Variants in GLOD4 observed in about 807,000 individuals in gnomAD.
GLOD4 encodes the protein glyoxalase domain-containing protein 4.
Under a neutral mutation model 39.1 loss-of-function variants are expected in GLOD4, and 44 were observed. The observed-to-expected ratio is 1.13, with a 90% CI of 0.88 to 1.45. GLOD4 has a LOEUF of 1.45. GLOD4 is among the 40% of genes most tolerant of loss of function. The pLI is 0.00. For synonymous variants in GLOD4, 145 were observed against 135.0 expected (o/e 1.07, Z -0.52); for missense variants, 405 against 366.4 (o/e 1.11, Z -0.86).
chr17:761,466 G>A (rs962870553), intron 8 of GLOD4, among the ~76,000 whole-genome samples: 2 of 152,128 alleles, frequency 1.3e-5, no homozygotes, highest in Non-Finnish European at 2.9e-5. Context: ...ATAAAAAGTG[G>A]GAGGAAAGAA....
chr17:782,747 CG>C, upstream of GLOD4: 1 of 1,531,192 alleles, frequency 6.5e-7, no homozygotes, highest in Non-Finnish European at 8.8e-7. Context: ...CGTCGCACAG[CG>C]GAACCTTAAC....
At chr17:763,596 T>A (rs1465002185) in intron 8 of GLOD4, 1 of 152,224 alleles carries the variant, frequency 6.6e-6, no homozygotes, top group African/African-American at 2.4e-5. Context: ...TTTTTATTTT[T>A]ATTTATTTAC....
rs2295476 is a variant in GLOD4, at chr17:775,858, G to C, written c.323C>G (p.Thr108Arg). 6.2e-7 allele frequency: 1 copy of C among 1,613,140 alleles called. No individual in the cohort carries two copies. Among genetic ancestry groups the C allele is most frequent in the Admixed American group, 1.7e-5 (1 of 60,002 alleles). The change falls in exon 4 of 9, where the codon ACG becomes AGG. Residue 108 changes from threonine (T) to arginine (R), a missense_variant. Thr to Arg is a moderately conservative substitution (Grantham distance 71). Transcript: ENST00000301329. ...SNARKLEWPL[T>R]EVAEGVFETE... Reference sequence around the variant, plus strand: ...TTCAAAAACACCTTCTGCAACTTCCGTCAGTGGCCACTCCAGCTTCCTGGC... The same window carrying C: ...TTCAAAAACACCTTCTGCAACTTCCCTCAGTGGCCACTCCAGCTTCCTGGC...
intron 8 of GLOD4, chr17:764,470 A>G (rs960358781): frequency 6.6e-6 from 1 of 152,234 alleles, no homozygotes; most frequent in African/African-American, 2.4e-5. Flanking sequence ...ACTTTCTTAT[A>G]CAGTAAAAGC....
chr17:782,315 C>CG (rs753455430), upstream of GLOD4: 18 of 1,610,920 alleles, frequency 1.1e-5, no homozygotes, highest in Non-Finnish European at 1.4e-5. Context: ...AAGGGCGCCA[C>CG]GGGCCGTGAC....
Position 775,852 on chromosome 17 carries a change from A to G in GLOD4, c.329T>C (p.Val110Ala). 3 of 1,613,776 alleles carry G rather than the reference A, an allele frequency of 1.9e-6. No homozygotes were observed. The highest frequency in any genetic ancestry group is 2.5e-6 in the Non-Finnish European group (3 of 1,179,646). ...CTCGGTTTCAAAAACACCTTCTGCAACTTCCGTCAGTGGCCACTCCAGCTT... is the reference window on the plus strand; with the variant it reads ...CTCGGTTTCAAAAACACCTTCTGCAGCTTCCGTCAGTGGCCACTCCAGCTT... The part of the protein sequence containing the change: ...ARKLEWPLTE[V>A]AEGVFETEAP... Residue 110 changes from valine to alanine, a missense_variant, in exon 4 of 9, where the codon GTT (valine) becomes GCT (alanine). By Grantham distance (64) the Val-to-Ala change is moderately conservative. Coordinates refer to ENST00000301329, the MANE Select transcript of GLOD4 (RefSeq NM_016080.4).
chr17:761,543 C>A (rs563829221), intron 8 of GLOD4, among the ~76,000 whole-genome samples: 4 of 152,134 alleles, frequency 2.6e-5, no homozygotes, highest in African/African-American at 9.7e-5. Context: ...TTGCTCTTGT[C>A]GCCCAGGCTG....
chr17:782,005 C>T (rs1156497120), intron 1 of GLOD4, 161 bp downstream of exon 1: 4 of 600,246 alleles, frequency 6.7e-6, no homozygotes, highest in Non-Finnish European at 1.2e-5. Flanking sequence ...TCCCCAACGG[C>T]AACTCGCCAC....
At position 759,977 on chromosome 17, in the gene GLOD4, ACCTGGAC is replaced by A; in HGVS notation, c.*189_*195del. 2 of 579,062 alleles carry A rather than the reference ACCTGGAC, an allele frequency of 3.5e-6. No homozygotes were observed. Among genetic ancestry groups the A allele is most frequent in the South Asian group, 4.3e-5 (2 of 46,540 alleles). 35.9% of individuals were successfully genotyped at this position (579,062 alleles called of 1,614,324 possible). On this transcript the variant is annotated 3_prime_UTR_variant, in exon 9 of 9. Coordinates refer to ENST00000301329, the MANE Select transcript of GLOD4 (RefSeq NM_016080.4). ...GTGTAGATTACAGCAGGCGTTCTCT[ACCTGGAC>A]TCATGATTGGATTTCATTTCTAAAT...
intron 8 of GLOD4, among the ~76,000 whole-genome samples, chr17:768,167 G>A (rs1205940848): frequency 6.7e-6 from 1 of 149,456 alleles, no homozygotes; most frequent in Non-Finnish European, 1.5e-5. Context: ...GAGGACGTGA[G>A]AGAGAGAAAC....
intron 1 of GLOD4, among the ~76,000 whole-genome samples, chr17:781,524 A>C (rs1273835176): frequency 3.9e-5 from 6 of 152,174 alleles, no homozygotes. Flanking sequence ...CCGTCTATAC[A>C]CTAAACCGCG....
intron 2 of GLOD4, chr17:777,331 A>G (rs1909128525): frequency 8.2e-6 from 2 of 244,558 alleles, no homozygotes; most frequent in East Asian, 1.7e-4. Flanking sequence ...GGACTGTTCC[A>G]ACTTGTCACG....
intron 3 of GLOD4, 21 bp downstream of exon 3, chr17:776,846 GC>G (rs1909049011): frequency 6.2e-7 from 1 of 1,602,770 alleles, no homozygotes; most frequent in African/African-American, 1.3e-5. Context: ...CCAAAACTCT[GC>G]TAGAAAAAAA....
chr17:779,919 C>T (rs1420491871), intron 1 of GLOD4, among the ~76,000 whole-genome samples: 1 of 152,144 alleles, frequency 6.6e-6, no homozygotes, highest in South Asian at 2.1e-4. Context: ...AATCCCAGCA[C>T]TTTGGGAGGC....
chr17:762,477 A>G (rs568899016), intron 8 of GLOD4, among the ~76,000 whole-genome samples: 1 of 151,046 alleles, frequency 6.6e-6, no homozygotes, highest in Admixed American at 6.6e-5. Flanking sequence ...TTTCATCACC[A>G]TCCAGGCCCC....
At chr17:760,578 AG>A (rs1331948415) in intron 8 of GLOD4, among the ~76,000 whole-genome samples, 3 of 152,218 alleles carry the variant, frequency 2.0e-5, no homozygotes, top group Non-Finnish European at 2.9e-5. Flanking sequence ...GCCAGGCGGT[AG>A]GATCTCTGGT....
At chr17:763,541 A>C (rs192850175) in intron 8 of GLOD4, 1 of 152,262 alleles carries the variant, frequency 6.6e-6, no homozygotes, top group Non-Finnish European at 1.5e-5. Flanking sequence ...TAAATAAATA[A>C]AAATAAAGCA....
intron 2 of GLOD4, 55 bp downstream of exon 2, chr17:778,640 G>C (rs183434765): frequency 1.0e-6 from 1 of 1,003,660 alleles, no homozygotes; most frequent in East Asian, 2.4e-5. Flanking sequence ...ACTGTCTTCT[G>C]TTATCCGGGT....
At chr17:782,538 C>G (rs1197982289), upstream of GLOD4, 2 of 1,613,784 alleles carry the variant, frequency 1.2e-6, 1 homozygote, top group South Asian at 2.2e-5. Context: ...GAAGCGCGCT[C>G]CTGGGAAGCA....
Sources: allele counts gnomAD v4.1 joint callset (sites outside exome capture counted in the v4.1 genomes callset), GRCh38; gene constraint gnomAD v4.1.1; transcripts MANE v1.5; gene names NCBI Gene and HGNC (gene_info 2026-07-23, HGNC 2026-07-21).